Variants in MMP26 observed in about 807,000 individuals in gnomAD.
The protein encoded by MMP26 is matrix metallopeptidase 26.
Under a neutral mutation model 31.0 loss-of-function variants are expected in MMP26, and 33 were observed. The observed-to-expected ratio is 1.06, with a 90% CI of 0.81 to 1.42. The LOEUF (loss-of-function observed/expected upper bound fraction) is 1.42, where lower values mean the gene tolerates loss of function less well. Ranked by LOEUF, MMP26 falls within the 40% of genes most tolerant of loss-of-function variation. The pLI is 0.00. For synonymous variants in MMP26, 122 were observed against 114.9 expected (o/e 1.06, Z -0.40); for missense variants, 347 against 316.1 (o/e 1.10, Z -0.74).
intron 2 of MMP26, among the ~76,000 whole-genome samples, chr11:4,892,730 C>A (rs552308470): frequency 2.0e-5 from 3 of 152,188 alleles, no homozygotes; most frequent in African/African-American, 7.2e-5. Context: ...TGAGGATGTT[C>A]TCTGATTTGA....
chr11:4,876,576 C>T (rs1219292623), intron 2 of MMP26: 1 of 152,260 alleles, frequency 6.6e-6, no homozygotes, highest in East Asian at 1.9e-4. Context: ...CTCAACCAAA[C>T]TACTGAGAAC....
At chr11:4,787,259 C>G (rs1564909518) in intron 2 of MMP26, 1 of 152,290 alleles carries the variant, frequency 6.6e-6, no homozygotes, top group African/African-American at 2.4e-5. Flanking sequence ...AAGAGACTGT[C>G]ATTTTGCAAA....
At chr11:4,887,575 A>T (rs141943232) in intron 2 of MMP26, among the ~76,000 whole-genome samples, 11 of 152,290 alleles carry the variant, frequency 7.2e-5, no homozygotes, top group Admixed American at 4.6e-4. Context: ...CTTGAAATTT[A>T]TAGTTACTCC....
chr11:4,941,880 T>C (rs1195212526), intron 2 of MMP26, among the ~76,000 whole-genome samples: 5 of 151,276 alleles, frequency 3.3e-5, no homozygotes, highest in African/African-American at 1.2e-4. Flanking sequence ...GGTCAGGAGA[T>C]CGAGACCATC....
chr11:4,784,100 A>T (rs1260961770), intron 2 of MMP26, among the ~76,000 whole-genome samples: 1 of 152,230 alleles, frequency 6.6e-6, no homozygotes, highest in Non-Finnish European at 1.5e-5. Flanking sequence ...GCATTCAGGA[A>T]CAGGATCAAT....
rs549071131 is a variant in MMP26, at chr11:4,977,935, GAGGTGTCC to G, written c.-144-10113_-144-10106del. Among the ~76,000 whole-genome samples the G allele has an allele frequency of 1.5e-3, 229 of 152,144 alleles. 1 individual carries two copies. Among genetic ancestry groups the G allele is most frequent in the Middle Eastern group, 6.8e-3 (2 of 294 alleles). ...CCCCACCCAAATCTCATCTTAAATT[GAGGTGTCC>G]AGGTGTCCAGGTGTCCAGGGAAAGA... On this transcript the variant is annotated intron_variant, in intron 2 of 7. Coordinates refer to ENST00000380390, the MANE Select transcript of MMP26 (RefSeq NM_021801.5).
At chr11:4,914,811 A>G in intron 2 of MMP26, 1 of 1,614,046 alleles carries the variant, frequency 6.2e-7, no homozygotes, top group African/African-American at 1.3e-5. Context: ...AAGAGAAGAT[A>G]CATGAAACCC....
chr11:4,740,476 G>A (rs1180997358), intron 1 of MMP26, among the ~76,000 whole-genome samples: 1 of 152,028 alleles, frequency 6.6e-6, no homozygotes, highest in Non-Finnish European at 1.5e-5. Flanking sequence ...AAGGTCAGGA[G>A]TTTGAGACCA....
intron 2 of MMP26, chr11:4,848,745 G>A: frequency 6.2e-7 from 1 of 1,614,020 alleles, no homozygotes; most frequent in Non-Finnish European, 8.5e-7. Flanking sequence ...AAAAGAAATG[G>A]CCAGGCTGAT....
intron 2 of MMP26, among the ~76,000 whole-genome samples, chr11:4,790,299 C>T (rs544691656): frequency 2.0e-5 from 3 of 152,066 alleles, no homozygotes; most frequent in South Asian, 2.1e-4. Context: ...GCCAAGATTG[C>T]GCCATTGCCA....
At chr11:4,919,147 AAGCCAGCAAAATC>A (rs1477369285) in intron 2 of MMP26, 1 of 152,190 alleles carries the variant, frequency 6.6e-6, no homozygotes, top group Non-Finnish European at 1.5e-5. Flanking sequence ...GGATCCCATG[AAGCCAGCAAAATC>A]TGACTGTAGC....
intron 2 of MMP26, among the ~76,000 whole-genome samples, chr11:4,829,183 T>G (rs1022219359): frequency 6.6e-6 from 1 of 152,208 alleles, no homozygotes; most frequent in Middle Eastern, 3.2e-3. Context: ...TAAGTAGGGT[T>G]TACAGCTTTA....
chr11:4,804,100 T>G (rs749161465), intron 2 of MMP26: 2 of 1,613,912 alleles, frequency 1.2e-6, no homozygotes, highest in Non-Finnish European at 1.7e-6. Context: ...GTACTGAATC[T>G]CATGAGCATG....
At chr11:4,820,740 G>A (rs1204694788) in intron 2 of MMP26, among the ~76,000 whole-genome samples, 1 of 152,040 alleles carries the variant, frequency 6.6e-6, no homozygotes, top group African/African-American at 2.4e-5. Flanking sequence ...ATAACATTGG[G>A]TGATTAATTG....
chr11:4,752,939 G>A (rs533565945), intron 1 of MMP26: 1 of 152,376 alleles, frequency 6.6e-6, no homozygotes, highest in South Asian at 2.1e-4. Flanking sequence ...TCCCCGTCAA[G>A]AGGAAAGTAG....
At chr11:4,985,881 T>A (rs1259659627) in intron 2 of MMP26, among the ~76,000 whole-genome samples, 1 of 152,172 alleles carries the variant, frequency 6.6e-6, no homozygotes, top group Non-Finnish European at 1.5e-5. Context: ...TTACCAACAA[T>A]CCCCTCCATG....
chr11:4,823,271 C>T (rs1849535819), intron 2 of MMP26, among the ~76,000 whole-genome samples: 2 of 152,144 alleles, frequency 1.3e-5, no homozygotes, highest in Non-Finnish European at 2.9e-5. Flanking sequence ...AATAGCACAT[C>T]ACATGCAGAC....
chr11:4,798,006 A>G (rs913482429), intron 2 of MMP26, among the ~76,000 whole-genome samples: 7 of 152,234 alleles, frequency 4.6e-5, no homozygotes, highest in African/African-American at 1.7e-4. Context: ...GGATGATTAC[A>G]TTGACTTCAC....
chr11:4,973,406 G>A (rs1207333945), intron 2 of MMP26: 1 of 152,336 alleles, frequency 6.6e-6, no homozygotes, highest in African/African-American at 2.4e-5. Context: ...GAAAGGAAAT[G>A]GGAGGATCAA....
Sources: gnomAD v4.1 joint callset for allele counts (sites outside exome capture counted in the v4.1 genomes callset) on GRCh38, gnomAD v4.1.1 for gene constraint, MANE v1.5 for transcripts, NCBI Gene and HGNC (gene_info 2026-07-23, HGNC 2026-07-21) for gene names.